HIPK2: variants seen among roughly 807,000 people sequenced by gnomAD.
HIPK2 encodes homeodomain interacting protein kinase 2.
Under a neutral mutation model 113.7 loss-of-function variants are expected in HIPK2, and 27 were observed. The ratio of observed to expected loss-of-function variants is 0.24; its 90% CI spans 0.17 to 0.33. The LOEUF (loss-of-function observed/expected upper bound fraction) is 0.33, where lower values mean the gene tolerates loss of function less well. Ranked by LOEUF, HIPK2 falls within the 10% of genes least tolerant of loss-of-function variation. The pLI is 1.00. For missense variants in HIPK2, 1,257 were observed against 1,588.0 expected, an observed-to-expected ratio of 0.79 and a Z score of 3.54; for synonymous variants, 631 against 642.2, an observed-to-expected ratio of 0.98 and a Z score of 0.26.
intron 12 of HIPK2, 69 bp downstream of exon 12, chr7:139,596,648 T>C (rs1799223393): frequency 3.2e-6 from 5 of 1,551,906 alleles, no homozygotes; most frequent in South Asian, 2.4e-5. Context: ...TGATGGAAGA[T>C]GGTCAGATCT....
chr7:139,692,050 G>A (rs999902995), intron 2 of HIPK2, among the ~76,000 whole-genome samples: 47 of 152,248 alleles, frequency 3.1e-4, no homozygotes, highest in African/African-American at 1.0e-3. Flanking sequence ...TAAGGTAACA[G>A]GTTTTTGATA....
intron 1 of HIPK2, among the ~76,000 whole-genome samples, chr7:139,765,123 G>A (rs938957244): frequency 6.7e-6 from 1 of 149,236 alleles, no homozygotes; most frequent in Non-Finnish European, 1.5e-5. Flanking sequence ...ATGACAGAGC[G>A]AGACTCTGTC....
In HIPK2 at chr7:139,573,182, G is replaced by T; in HGVS notation, c.3342C>A (p.Thr1114=). ...AGGCCACCAGGTGGGCCACGGTGCC[G>T]GTGGAGCCCAGGGCCGCCGGCGCAG... ...TYTAPAALGS[T]GTVAHLVASQ... Residue 1114 remains threonine, a synonymous_variant, in exon 15 of 15, where the codon ACC becomes ACA. Coordinates refer to ENST00000406875, the MANE Select transcript of HIPK2 (RefSeq NM_022740.5). 3 of 1,608,726 alleles carry T rather than the reference G, an allele frequency of 1.9e-6. No homozygotes were observed. Among genetic ancestry groups the T allele is most frequent in the Non-Finnish European group, 2.5e-6 (3 of 1,179,178 alleles).
intron 13 of HIPK2, among the ~76,000 whole-genome samples, chr7:139,579,564 G>A (rs182038443): frequency 6.6e-6 from 1 of 152,318 alleles, no homozygotes; most frequent in Non-Finnish European, 1.5e-5. Flanking sequence ...GCTGGAGCCA[G>A]CAAGAAAGAA....
rs73485512 is a variant in HIPK2 at position 139,567,937 on chromosome 7, G to A, written c.*4990C>T. ...AAGCTGGGGCGAGCTGGGTCCCCAC[G>A]TCGCTCTCTCAACCATGAGCCATCA... On this transcript the variant is annotated 3_prime_UTR_variant, in exon 15 of 15. Coordinates refer to ENST00000406875, the MANE Select transcript of HIPK2 (RefSeq NM_022740.5). 0.083 allele frequency: 12,707 copies of A among 152,270 alleles called. 646 individuals carry two copies. The highest frequency in any genetic ancestry group is 0.15 in the African/African-American group (6,053 of 41,506). 9.4% of individuals were successfully genotyped at this position (152,270 alleles called of 1,614,324 possible). A position where few individuals can be genotyped will look rare whatever the true frequency, so the allele number is the denominator to read the frequency against.
chr7:139,594,677 C>A (rs1799135980), intron 12 of HIPK2, among the ~76,000 whole-genome samples: 1 of 152,172 alleles, frequency 6.6e-6, no homozygotes, highest in Admixed American at 6.5e-5. Flanking sequence ...CTGTGGACAG[C>A]TGAAGCCTTT....
intron 1 of HIPK2, among the ~76,000 whole-genome samples, chr7:139,755,904 C>A (rs1180654091): frequency 1.3e-5 from 2 of 152,244 alleles, no homozygotes; most frequent in Non-Finnish European, 2.9e-5. Flanking sequence ...GCTTCTGTAT[C>A]ATACAGCTTA....
chr7:139,643,032 T>C (rs973408593), intron 2 of HIPK2, among the ~76,000 whole-genome samples: 1 of 152,180 alleles, frequency 6.6e-6, no homozygotes, highest in African/African-American at 2.4e-5. Flanking sequence ...GAACCACTGT[T>C]GCAGAGATTT....
intron 1 of HIPK2, among the ~76,000 whole-genome samples, chr7:139,774,220 A>G (rs1017054377): frequency 3.2e-4 from 49 of 152,322 alleles, no homozygotes; most frequent in African/African-American, 1.1e-3. Flanking sequence ...CTCAGAAGAT[A>G]GAGGGATTTA....
At chr7:139,769,472 C>A (rs775677936) in intron 1 of HIPK2, among the ~76,000 whole-genome samples, 3 of 152,224 alleles carry the variant, frequency 2.0e-5, no homozygotes, top group Admixed American at 6.5e-5. Flanking sequence ...AATTAGAACC[C>A]CTTTTAAACC....
chr7:139,646,565 A>ATCT (rs1374517952), intron 2 of HIPK2, among the ~76,000 whole-genome samples: 1 of 151,700 alleles, frequency 6.6e-6, no homozygotes, highest in Non-Finnish European at 1.5e-5. Context: ...CCACTGCTCC[A>ATCT]TCTTCTCATT....
At chr7:139,769,771 G>A (rs1796616158) in intron 1 of HIPK2, among the ~76,000 whole-genome samples, 1 of 152,116 alleles carries the variant, frequency 6.6e-6, no homozygotes, top group Non-Finnish European at 1.5e-5. Context: ...AATCCTCTTT[G>A]GAGTACATCA....
intron 1 of HIPK2, among the ~76,000 whole-genome samples, chr7:139,741,535 C>T (rs914119207): frequency 1.3e-4 from 20 of 152,324 alleles, no homozygotes; most frequent in Admixed American, 9.8e-4. Context: ...CACAGTTTGA[C>T]GCGGTGGGGA....
chr7:139,751,558 G>A (rs1312022541), intron 1 of HIPK2, among the ~76,000 whole-genome samples: 1 of 147,970 alleles, frequency 6.8e-6, no homozygotes, highest in Non-Finnish European at 1.5e-5. Context: ...AGGGAGGGAG[G>A]GAGGGATGGA....
At chr7:139,704,458 C>CCA (rs1172336514) in intron 2 of HIPK2, among the ~76,000 whole-genome samples, 8 of 148,690 alleles carry the variant, frequency 5.4e-5, no homozygotes, top group Non-Finnish European at 4.5e-5. Context: ...CCAACACATA[C>CCA]CACACACACA....
chr7:139,589,840 C>T (rs1198536495), intron 12 of HIPK2, among the ~76,000 whole-genome samples: 1 of 152,236 alleles, frequency 6.6e-6, no homozygotes, highest in Non-Finnish European at 1.5e-5. Context: ...TTTGTTGTAG[C>T]TGGGGAGCCC....
intron 1 of HIPK2, among the ~76,000 whole-genome samples, chr7:139,772,851 G>GTGATCACACCTGTAATCACAC (rs770522755): frequency 6.6e-6 from 1 of 150,976 alleles, no homozygotes; most frequent in Non-Finnish European, 1.5e-5. Flanking sequence ...CTTCCAAAGT[G>GTGATCACACCTGTAATCACAC]CTGGGATTAC....
intron 1 of HIPK2, among the ~76,000 whole-genome samples, chr7:139,770,934 C>T (rs74620925): frequency 0.11 from 16,320 of 152,140 alleles, 1,102 homozygotes; most frequent in Non-Finnish European, 0.16. Flanking sequence ...GGTTTTCTGC[C>T]TTTTCTTTTT....
Position 139,573,288 on chromosome 7 carries a change from C to A in HIPK2, c.3236G>T (p.Ser1079Ile), listed in dbSNP as rs1363466282. Residue 1079 changes from serine (S) to isoleucine (I), a missense_variant, in exon 15 of 15, where the codon AGC becomes ATC. Around this residue, in one of 5 missense-constraint regions of HIPK2, gnomAD observed 862 missense variants for 1,004.3 expected, o/e 0.86. Transcript: ENST00000406875. Reference protein sequence around the residue: ...APYSFPHNSPSHGTVHPHLAA... With the variant: ...APYSFPHNSPIHGTVHPHLAA... ...CAGATGCGGGTGCACAGTGCCGTGG[C>A]TGGGGCTGTTGTGCGGGAAGGAGTA... The A allele has an allele frequency of 6.2e-7, 1 of 1,604,952 alleles. No homozygotes were observed.
Sources: allele counts gnomAD v4.1 joint callset (sites outside exome capture counted in the v4.1 genomes callset), GRCh38; gene constraint gnomAD v4.1.1; regional missense constraint gnomAD v4.1.1; transcripts MANE v1.5; gene names NCBI Gene and HGNC (gene_info 2026-07-23, HGNC 2026-07-21).